The following GNPDA2 variants were observed in gnomAD, a reference collection of about 807,000 sequenced individuals.
The protein encoded by GNPDA2 is glucosamine-6-phosphate deaminase 2.
Under a neutral mutation model 27.0 loss-of-function variants are expected in GNPDA2, and 24 were observed. That is an observed-to-expected ratio of 0.89 (90% CI 0.64 to 1.25). GNPDA2 has a LOEUF of 1.25. Among genes scored for constraint, GNPDA2 ranks in the 50% most tolerant of loss-of-function variants. The pLI, the probability that GNPDA2 is intolerant of heterozygous loss-of-function variation, is 0.00. For missense variants in GNPDA2, 286 were observed against 335.1 expected (o/e 0.85, Z 1.14); for synonymous variants, 94 against 108.4 (o/e 0.87, Z 0.83).
chr4:44,707,678 C>A (rs1491302), intron 6 of GNPDA2, 74 bp downstream of exon 6: 1 of 1,325,290 alleles, frequency 7.5e-7, no homozygotes, highest in Non-Finnish European at 1.1e-6. Flanking sequence ...GAGATTTAAC[C>A]CCACAGTCAC....
rs773133423 is a variant in GNPDA2, at chr4:44,710,951, A to G, written c.594+2T>C. 17 of 1,572,962 alleles carry G rather than the reference A, an allele frequency of 1.1e-5. No homozygotes were observed. Among genetic ancestry groups the G allele is most frequent in the Non-Finnish European group, 1.5e-5 (17 of 1,163,644 alleles). ...AGACAGCAAAGAATATTTAATGCTT[A>G]CTTCTCTAGCATCCATCACTGTCCC... On this transcript the variant is annotated splice_donor_variant, in intron 5 of 6. Transcript: ENST00000295448. LOFTEE classifies it high-confidence loss of function.
intron 6 of GNPDA2, 130 bp from the exon 7 acceptor site, chr4:44,703,272 T>G (rs1193170524): frequency 1.4e-6 from 2 of 1,412,730 alleles, no homozygotes; most frequent in Non-Finnish European, 1.8e-6. Context: ...TAGTCAAGTT[T>G]ATTGAAAAAG....
chr4:44,702,795 T>C lies in GNPDA2; in HGVS notation c.*286A>G. 1 of 1,228,348 alleles carries C rather than the reference T, an allele frequency of 8.1e-7. No homozygotes were observed. The highest frequency in any genetic ancestry group is 1.0e-6 in the Non-Finnish European group (1 of 984,280). 76.1% of individuals were successfully genotyped at this position (1,228,348 alleles called of 1,614,324 possible). On this transcript the variant is annotated 3_prime_UTR_variant, in exon 7 of 7. Transcript: ENST00000295448. ...TGATGTGGACACTCTACCTTTAAAA[T>C]GACTTTTTAAACAGGCAGACATTTC...
rs34864228 is a variant in GNPDA2, at chr4:44,703,108, T to C, written c.804A>G (p.Pro268=). ...AGTTTCCATCTTTCATACTGAATAGTGGATCCACAAGTTTATTGTGCACAT... is the reference window on the plus strand; with the variant it reads ...AGTTTCCATCTTTCATACTGAATAGCGGATCCACAAGTTTATTGTGCACAT... ...LMHVHNKLVD[P]LFSMKDGN Residue 268 remains proline, a synonymous_variant, in exon 7 of 7, where the codon CCA becomes CCG. Coordinates refer to ENST00000295448, the MANE Select transcript of GNPDA2 (RefSeq NM_138335.3). 0.032 allele frequency: 50,836 copies of C among 1,612,026 alleles called. 926 individuals are homozygous for C. Among genetic ancestry groups the C allele is most frequent in the Middle Eastern group, 0.057 (342 of 6,042 alleles).
intron 6 of GNPDA2, chr4:44,705,216 A>G: frequency 1.0e-6 from 1 of 981,260 alleles, no homozygotes; most frequent in Non-Finnish European, 1.2e-6. Context: ...TACATCCTCC[A>G]GTATTTTGAT....
At chr4:44,720,554 C>T (rs1232943086) in intron 2 of GNPDA2, among the ~76,000 whole-genome samples, 3 of 152,024 alleles carry the variant, frequency 2.0e-5, no homozygotes, top group African/African-American at 7.2e-5. Context: ...ATGTCAAGCT[C>T]ATTAAGGTCA....
At chr4:44,717,593 A>G (rs1177167029) in intron 3 of GNPDA2, among the ~76,000 whole-genome samples, 2 of 151,856 alleles carry the variant, frequency 1.3e-5, no homozygotes, top group East Asian at 3.8e-4. Context: ...TCAAACACAG[A>G]AAGTCTAGCT....
chr4:44,717,729 A>G (rs1454119076), intron 3 of GNPDA2, among the ~76,000 whole-genome samples: 1 of 151,852 alleles, frequency 6.6e-6, no homozygotes, highest in African/African-American at 2.4e-5. Flanking sequence ...TTCCTCCTCT[A>G]TTCATCCTGT....
chr4:44,701,799 ACAT>A lies in GNPDA2; in HGVS notation c.*1279_*1281del, dbSNP rs773633050. 4.9e-4 allele frequency: 477 copies of A among 983,474 alleles called. 1 individual carries two copies. The highest frequency in any genetic ancestry group is 5.4e-4 in the Non-Finnish European group (450 of 828,318). The allele number at this position is 983,474 out of a possible 1,614,324, so 60.9% of individuals were successfully genotyped here. On this transcript the variant is annotated 3_prime_UTR_variant, in exon 7 of 7. Coordinates refer to ENST00000295448, the MANE Select transcript of GNPDA2 (RefSeq NM_138335.3). ...AAAAAACATTTATAAGGCTATTAAA[ACAT>A]CATCTGGAATTAAAGCAGCATAATT...
intron 2 of GNPDA2, 66 bp downstream of exon 2, chr4:44,722,018 C>T (rs933162445): frequency 8.1e-7 from 1 of 1,235,322 alleles, no homozygotes; most frequent in Non-Finnish European, 1.2e-6. Context: ...AAAAGAAACC[C>T]TTCAATTCCA....
chr4:44,723,365 A>T (rs1378413524), intron 1 of GNPDA2, among the ~76,000 whole-genome samples: 2 of 152,168 alleles, frequency 1.3e-5, no homozygotes, highest in Admixed American at 1.3e-4. Context: ...ATAATGTACA[A>T]TGATCCTAGC....
intron 5 of GNPDA2, among the ~76,000 whole-genome samples, chr4:44,710,098 C>T (rs1329624972): frequency 2.6e-5 from 4 of 152,156 alleles, no homozygotes; most frequent in African/African-American, 9.7e-5. Context: ...TAAGATTGCT[C>T]TAAAATCCTT....
intron 6 of GNPDA2, chr4:44,704,306 CT>C (rs1716453188): frequency 1.0e-6 from 1 of 980,384 alleles, no homozygotes; most frequent in Admixed American, 6.2e-5. Flanking sequence ...GTAATATCAG[CT>C]GTATGATTTA....
At chr4:44,724,723 G>A (rs553060849) in intron 1 of GNPDA2, among the ~76,000 whole-genome samples, 1 of 152,186 alleles carries the variant, frequency 6.6e-6, no homozygotes, top group Admixed American at 6.5e-5. Context: ...ATAAATGTAT[G>A]GAATCTAAAT....
At chr4:44,723,426 A>C (rs1216638268) in intron 1 of GNPDA2, among the ~76,000 whole-genome samples, 8 of 152,066 alleles carry the variant, frequency 5.3e-5, no homozygotes, top group Non-Finnish European at 1.5e-5. Context: ...TAAGCCTCTA[A>C]TATCAGTCTA....
rs185992636 is a variant in GNPDA2, at chr4:44,703,728, C to T, written c.770-586G>A. 107 of 983,152 alleles carry T rather than the reference C, an allele frequency of 1.1e-4. No individual in the cohort carries two copies. The African/African-American group carries it at 1.6e-3, about 15-fold the overall frequency. 60.9% of individuals were successfully genotyped at this position (983,152 alleles called of 1,614,324 possible). A position where few individuals can be genotyped will look rare whatever the true frequency, so the allele number is the denominator to read the frequency against. On this transcript the variant is annotated intron_variant, in intron 6 of 6. Transcript: ENST00000295448. ...AGAATAGAAATTACGATTTTAAATCCGGTAGATTATAACTTTCATTTTGTA... is the reference window on the plus strand; with the variant it reads ...AGAATAGAAATTACGATTTTAAATCTGGTAGATTATAACTTTCATTTTGTA...
chr4:44,719,342 A>C lies in GNPDA2; in HGVS notation c.125-932T>G, dbSNP rs367934017. On this transcript the variant is annotated intron_variant, in intron 2 of 6. Coordinates refer to ENST00000295448, the MANE Select transcript of GNPDA2 (RefSeq NM_138335.3). ...AAAAATTCCAACCCAAGTATTATAC[A>C]GAAATCTGATAAAACTAAACAGTCT... 1.2e-4 allele frequency among the ~76,000 whole-genome samples: 19 copies of C among 152,172 alleles called. No individual in the cohort carries two copies. In the South Asian group the frequency reaches 3.7e-3, roughly 30 times the overall value.
At chr4:44,706,107 G>C (rs1182410946) in intron 6 of GNPDA2, 3 of 151,836 alleles carry the variant, frequency 2.0e-5, no homozygotes, top group Admixed American at 6.6e-5. Context: ...TGTGGATAGT[G>C]AGGATTCCTT....
intron 4 of GNPDA2, among the ~76,000 whole-genome samples, chr4:44,716,827 A>G (rs1434750610): frequency 2.6e-5 from 4 of 151,880 alleles, no homozygotes; most frequent in Admixed American, 6.6e-5. Context: ...AAGATGTGGT[A>G]AACTGTCAAC....
Sources: gnomAD v4.1 joint callset for allele counts (sites outside exome capture counted in the v4.1 genomes callset) on GRCh38, gnomAD v4.1.1 for gene constraint, MANE v1.5 for transcripts, NCBI Gene and HGNC (gene_info 2026-07-23, HGNC 2026-07-21) for gene names.